COPS4: variants seen among roughly 807,000 people sequenced by gnomAD.
COPS4 encodes COP9 signalosome subunit 4.
A neutral mutation model predicts 55.1 loss-of-function variants in COPS4; 8 were observed. The observed-to-expected ratio is 0.15, with a 90% confidence interval of 0.09 to 0.26. The LOEUF is 0.26. Among genes scored for constraint, COPS4 ranks in the 10% least tolerant of loss-of-function variants. The pLI is 1.00. For synonymous variants in COPS4, 185 were observed against 165.7 expected, an observed-to-expected ratio of 1.12 and a Z score of -0.90; for missense variants, 248 against 484.0, an observed-to-expected ratio of 0.51 and a Z score of 4.58.
intron 2 of COPS4, among the ~76,000 whole-genome samples, chr4:83,048,001 A>C (rs1730765376): frequency 1.8e-5 from 2 of 111,450 alleles, no homozygotes; most frequent in Non-Finnish European, 4.5e-5. Flanking sequence ...ACTCAGTCTC[A>C]AAAAAAAAAA....
intron 4 of COPS4, among the ~76,000 whole-genome samples, chr4:83,051,295 T>G (rs1011703767): frequency 6.6e-6 from 1 of 152,002 alleles, no homozygotes. Flanking sequence ...AGTATGGATA[T>G]GCATCTATAC....
chr4:83,062,905 G>A (rs1447039302), intron 6 of COPS4, 171 bp from the exon 7 acceptor site: 2 of 519,828 alleles, frequency 3.8e-6, no homozygotes, highest in East Asian at 7.1e-5. Flanking sequence ...CAGCAGTTTA[G>A]TGTTTGATAA....
intron 5 of COPS4, 69 bp downstream of exon 5, chr4:83,057,148 C>A: frequency 6.6e-7 from 1 of 1,519,296 alleles, no homozygotes; most frequent in Admixed American, 1.8e-5. Flanking sequence ...TGTTCCAGGA[C>A]ATCTGATAGA....
intron 1 of COPS4, among the ~76,000 whole-genome samples, chr4:83,042,249 A>G (rs968391693): frequency 2.6e-5 from 4 of 152,184 alleles, no homozygotes; most frequent in African/African-American, 7.2e-5. Flanking sequence ...TTCAAATACA[A>G]AGGTCATTTA....
intron 2 of COPS4, among the ~76,000 whole-genome samples, chr4:83,046,189 T>C (rs1448918069): frequency 6.6e-6 from 1 of 152,162 alleles, no homozygotes; most frequent in East Asian, 1.9e-4. Flanking sequence ...GTTTTCTTAA[T>C]GTTCAACATC....
chr4:83,060,141 A>C (rs886214785), intron 6 of COPS4, among the ~76,000 whole-genome samples: 1 of 152,008 alleles, frequency 6.6e-6, no homozygotes, highest in East Asian at 1.9e-4. Context: ...ATTTTCAGGT[A>C]ATTGTGGATA....
chr4:83,051,683 A>C (rs1361441457), intron 4 of COPS4, among the ~76,000 whole-genome samples: 2 of 152,190 alleles, frequency 1.3e-5, no homozygotes, highest in South Asian at 2.1e-4. Flanking sequence ...TGAGGAGTTG[A>C]ATGTATTAGT....
intron 9 of COPS4, chr4:83,073,213 C>A: frequency 1.5e-6 from 1 of 669,362 alleles, no homozygotes; most frequent in South Asian, 1.6e-5. Context: ...CAGCTTCTGG[C>A]AACCACCAAT....
At chr4:83,036,805 T>C (rs184757998) in intron 1 of COPS4, among the ~76,000 whole-genome samples, 77 of 152,308 alleles carry the variant, frequency 5.1e-4, no homozygotes, top group Non-Finnish European at 8.4e-4. Flanking sequence ...CTTATATTTT[T>C]CCCCATGCTT....
At chr4:83,052,492 A>T (rs1578710224) in intron 4 of COPS4, among the ~76,000 whole-genome samples, 1 of 152,198 alleles carries the variant, frequency 6.6e-6, no homozygotes, top group African/African-American at 2.4e-5. Context: ...TGATTGCTGG[A>T]TGCCAATAGT....
chr4:83,065,235 TTAGG>T (rs1426807409), intron 7 of COPS4: 3 of 445,482 alleles, frequency 6.7e-6, no homozygotes, highest in Non-Finnish European at 1.2e-5. Flanking sequence ...GATATTTAAT[TTAGG>T]TAGTTGGCTG....
intron 1 of COPS4, among the ~76,000 whole-genome samples, chr4:83,036,486 G>A (rs368179348): frequency 3.3e-5 from 5 of 152,128 alleles, no homozygotes; most frequent in African/African-American, 1.2e-4. Context: ...AAATTCAGCC[G>A]TATATTTTGG....
chr4:83,052,164 C>A (rs550846425), intron 4 of COPS4, among the ~76,000 whole-genome samples: 3 of 151,954 alleles, frequency 2.0e-5, no homozygotes, highest in Non-Finnish European at 4.4e-5. Flanking sequence ...TATGGGCTAC[C>A]CTGTGGGGGA....
intron 1 of COPS4, among the ~76,000 whole-genome samples, chr4:83,043,244 C>T (rs1578703764): frequency 6.6e-6 from 1 of 151,998 alleles, no homozygotes; most frequent in East Asian, 1.9e-4. Context: ...AGGCCAGGCA[C>T]AGTGGCTCAA....
At chr4:83,073,351 C>T in intron 9 of COPS4, 1 of 647,688 alleles carries the variant, frequency 1.5e-6, no homozygotes, top group Non-Finnish European at 2.8e-6. Flanking sequence ...CATGTCATGG[C>T]AGGTAATCAG....
chr4:83,053,379 A>G (rs902384235), intron 4 of COPS4, among the ~76,000 whole-genome samples: 5 of 152,164 alleles, frequency 3.3e-5, no homozygotes, highest in African/African-American at 4.8e-5. Context: ...AATGATGATA[A>G]GTTATTACAA....
chr4:83,036,387 T>C (rs1340623346), intron 1 of COPS4, among the ~76,000 whole-genome samples: 1 of 152,216 alleles, frequency 6.6e-6, no homozygotes, highest in Non-Finnish European at 1.5e-5. Context: ...ATACACCTGT[T>C]CTAACCTGGT....
At chr4:83,051,828 G>A (rs999444431) in intron 4 of COPS4, among the ~76,000 whole-genome samples, 1 of 152,204 alleles carries the variant, frequency 6.6e-6, no homozygotes, top group Non-Finnish European at 1.5e-5. Context: ...ACTGAGTATA[G>A]TGAGGCCTGG....
chr4:83,047,730 A>G (rs989085905), intron 2 of COPS4, among the ~76,000 whole-genome samples: 2 of 152,158 alleles, frequency 1.3e-5, no homozygotes, highest in East Asian at 1.9e-4. Flanking sequence ...GGCCGGGGCC[A>G]TGGCTTACGC....
Sources: gnomAD v4.1 joint callset for allele counts (sites outside exome capture counted in the v4.1 genomes callset) on GRCh38, gnomAD v4.1.1 for gene constraint, MANE v1.5 for transcripts, NCBI Gene and HGNC (gene_info 2026-07-23, HGNC 2026-07-21) for gene names.